The following PC variants were observed in gnomAD, a reference collection of about 807,000 sequenced individuals.
PC encodes pyruvate carboxylase, mitochondrial.
PC carries 46 observed loss-of-function variants against 107.8 expected under a neutral mutation model. The observed-to-expected ratio is 0.43, with a 90% CI of 0.34 to 0.55. The LOEUF is 0.55. Ranked by LOEUF, PC falls within the 20% of genes least tolerant of loss-of-function variation. The pLI, the probability that PC is intolerant of heterozygous loss-of-function variation, is 0.04. For missense variants in PC, 1,241 were observed against 1,643.1 expected (o/e 0.76, Z 4.23); for synonymous variants, 662 against 684.7 (o/e 0.97, Z 0.52).
Position 66,868,897 on chromosome 11 carries a change from T to TCGATGAAGTAGTG in PC, c.958_970dup (p.Glu324AlafsTer34). 1 of 1,613,848 alleles carries TCGATGAAGTAGTG rather than the reference T, an allele frequency of 6.2e-7. No individual in the cohort carries two copies. The highest frequency in any genetic ancestry group is 8.5e-7 in the Non-Finnish European group (1 of 1,179,966). Reference sequence around the variant, plus strand: ...CTCCACCTGCAGGCGGGAGTTGACCTCGATGAAGTAGTGCTTGCCGTGCCT... The same window carrying TCGATGAAGTAGTG: ...CTCCACCTGCAGGCGGGAGTTGACCTCGATGAAGTAGTGCGATGAAGTAGTGCTTGCCGTGCCT... On this transcript the variant is annotated frameshift_variant, in exon 10 of 23. Coordinates refer to ENST00000393960, the MANE Select transcript of PC (RefSeq NM_001040716.2). LOFTEE classifies it high-confidence loss of function.
intron 11 of PC, 143 bp from the exon 12 acceptor site, chr11:66,864,099 T>A: frequency 1.2e-6 from 1 of 840,908 alleles, no homozygotes; most frequent in Non-Finnish European, 2.0e-6. Flanking sequence ...CAGCTCTGGC[T>A]GGTCAGGTTT....
At chr11:66,934,769 T>A (rs939631119) in intron 3 of PC, among the ~76,000 whole-genome samples, 2 of 152,134 alleles carry the variant, frequency 1.3e-5, no homozygotes, top group East Asian at 3.9e-4. Flanking sequence ...CACACCCAGC[T>A]AATTTTTTGT....
Position 66,899,579 on chromosome 11 carries a change from C to T in PC, c.1-27420G>A, listed in dbSNP as rs563745097. 1.8e-4 allele frequency among the ~76,000 whole-genome samples: 28 copies of T among 152,054 alleles called. 1 individual carries two copies. In the South Asian group the frequency reaches 5.4e-3, roughly 29 times the overall value. The stretch of plus-strand genomic sequence containing the variant: ...ACAGGGTCTTATGACATTGCCCAGG[C>T]TGGTCTTGAACTCCCAACCTCAAGC... On this transcript the variant is annotated intron_variant, in intron 3 of 22. Transcript: ENST00000393960.
rs777446093 is a variant in PC, at chr11:66,859,122, C to T, written c.1368+4652G>A. On this transcript the variant is annotated intron_variant, in intron 12 of 22. Coordinates refer to ENST00000393960, the MANE Select transcript of PC (RefSeq NM_001040716.2). ...AGGATGCGTGCCCCACACCCGGCTG[C>T]ACTCCCGGCGCCCTTCCTCCGCCCT... 3.4e-6 allele frequency: 5 copies of T among 1,478,176 alleles called. No homozygotes were observed. The Admixed American group carries it at 7.4e-5, about 22-fold the overall frequency. 91.6% of individuals were successfully genotyped at this position (1,478,176 alleles called of 1,614,324 possible). A position where few individuals can be genotyped will look rare whatever the true frequency, so the allele number is the denominator to read the frequency against.
chr11:66,940,934 G>C (rs188883421), intron 3 of PC, among the ~76,000 whole-genome samples: 3 of 151,760 alleles, frequency 2.0e-5, no homozygotes, highest in Non-Finnish European at 2.9e-5. Context: ...AAATTAGCCA[G>C]GCATGGTGGT....
chr11:66,863,875 CG>C lies in PC; in HGVS notation c.1266del (p.Tyr422Ter). 1 of 1,613,964 alleles carries C rather than the reference CG, an allele frequency of 6.2e-7. No individual in the cohort carries two copies. Among genetic ancestry groups the C allele is most frequent in the Non-Finnish European group, 8.5e-7 (1 of 1,180,008 alleles). On this transcript the variant is annotated frameshift_variant, in exon 12 of 23. Coordinates refer to ENST00000393960, the MANE Select transcript of PC (RefSeq NM_001040716.2). LOFTEE classifies it high-confidence loss of function. Reference protein sequence around the residue: ...AFQGAVISPHYDSLLVKVIAH... With the variant: ...AFQGAVISPHXDSLLVKVIAH... ...GCAATGACTTTGACCAGCAGGGAGTCGTAGTGGGGCGAGATGACGGCTCCTT... is the reference window on the plus strand; with the variant it reads ...GCAATGACTTTGACCAGCAGGGAGTCTAGTGGGGCGAGATGACGGCTCCTT...
At chr11:66,955,572 G>A (rs1949540522) in intron 1 of PC, among the ~76,000 whole-genome samples, 1 of 152,172 alleles carries the variant, frequency 6.6e-6, no homozygotes, top group Non-Finnish European at 1.5e-5. Context: ...TTGGATGACA[G>A]CCTAATTAAT....
chr11:66,870,463 G>A lies in PC; in HGVS notation c.752-10C>T. ...TTCCCATACTGGTCCCCTGGGGAGG[G>A]AGGTAAACTGGGCTTAGCTTTTACT... On this transcript the variant is annotated splice_polypyrimidine_tract_variant and intron_variant, in intron 8 of 22. Coordinates refer to ENST00000393960, the MANE Select transcript of PC (RefSeq NM_001040716.2). The surrounding 1 kb of genome is among the most constrained non-coding windows in gnomAD (Gnocchi z 6.1). The A allele has an allele frequency of 6.2e-7, 1 of 1,612,642 alleles. No individual in the cohort carries two copies. The highest frequency in any genetic ancestry group is 2.2e-5 in the East Asian group (1 of 44,878).
At chr11:66,888,982 G>C (rs1249171794) in intron 3 of PC, among the ~76,000 whole-genome samples, 1 of 152,180 alleles carries the variant, frequency 6.6e-6, no homozygotes, top group Non-Finnish European at 1.5e-5. Context: ...GCTGAGGCAG[G>C]AGAATCGCTT....
chr11:66,891,403 G>GT (rs893783973), intron 3 of PC, among the ~76,000 whole-genome samples: 1 of 147,928 alleles, frequency 6.8e-6, no homozygotes, highest in Non-Finnish European at 1.5e-5. Context: ...GTTTTGTTTT[G>GT]TTTTTTTGAG....
chr11:66,942,573 G>A (rs1414776536), intron 3 of PC, among the ~76,000 whole-genome samples: 1 of 152,086 alleles, frequency 6.6e-6, no homozygotes, highest in Non-Finnish European at 1.5e-5. Flanking sequence ...GGGTGCCAGG[G>A]GCTTGGGTGA....
chr11:66,855,770 A>C (rs1351729117), intron 12 of PC, among the ~76,000 whole-genome samples: 1 of 152,188 alleles, frequency 6.6e-6, no homozygotes, highest in Non-Finnish European at 1.5e-5. Context: ...CACAAGCTGC[A>C]GCTGTCCTCC....
At chr11:66,914,175 CCT>C (rs1195151277) in intron 3 of PC, among the ~76,000 whole-genome samples, 1 of 152,072 alleles carries the variant, frequency 6.6e-6, no homozygotes, top group Non-Finnish European at 1.5e-5. Flanking sequence ...TATTCCTGCC[CCT>C]CTCTCTCCAT....
chr11:66,894,374 C>T (rs1379300442), intron 3 of PC, among the ~76,000 whole-genome samples: 2 of 152,294 alleles, frequency 1.3e-5, no homozygotes, highest in East Asian at 1.9e-4. Context: ...ACACCCTTCC[C>T]GTCCCAGCTT....
At chr11:66,932,562 G>A (rs571617350) in intron 3 of PC, among the ~76,000 whole-genome samples, 2 of 152,306 alleles carry the variant, frequency 1.3e-5, no homozygotes, top group Admixed American at 1.3e-4. Context: ...TGGCCGAAAT[G>A]TCCTTTCGGG....
At chr11:66,859,262 T>G (rs1946092809) in intron 12 of PC, among the ~76,000 whole-genome samples, 1 of 152,090 alleles carries the variant, frequency 6.6e-6, no homozygotes, top group African/African-American at 2.4e-5. Context: ...CCTGGCTGCC[T>G]GAGGGGGCTG....
At position 66,870,911 on chromosome 11, in the gene PC, G is replaced by C; in HGVS notation, c.634-19C>G. On this transcript the variant is annotated intron_variant, in intron 7 of 22. Transcript: ENST00000393960. This position sits in a 1 kb window ranked among gnomAD's most constrained non-coding sequence, Gnocchi z 6.1. Reference sequence around the variant, plus strand: ...CCAGCTCCTGCGAGGGCGGGCAGGGGCCAGCCAGACCTCAGACCCCACAGC... The same window carrying C: ...CCAGCTCCTGCGAGGGCGGGCAGGGCCCAGCCAGACCTCAGACCCCACAGC... 1 of 1,608,936 alleles carries C rather than the reference G, an allele frequency of 6.2e-7. No homozygotes were observed.
intron 3 of PC, among the ~76,000 whole-genome samples, chr11:66,924,889 T>C (rs556058572): frequency 1.3e-4 from 20 of 152,248 alleles, no homozygotes; most frequent in African/African-American, 4.6e-4. Context: ...TTTCCCTAAG[T>C]GTCAGCCAGT....
chr11:66,858,068 G>C lies in PC; in HGVS notation c.1369-4685C>G. On this transcript the variant is annotated intron_variant, in intron 12 of 22. Coordinates refer to ENST00000393960, the MANE Select transcript of PC (RefSeq NM_001040716.2). The surrounding 1 kb of genome is among the most constrained non-coding windows in gnomAD (Gnocchi z 5.9). The stretch of plus-strand genomic sequence containing the variant: ...CCCTCCACCTTGACGGCAACAGGCT[G>C]GTGGAGCTGGGCACCGGGAGCCTCC... 6.2e-7 allele frequency: 1 copy of C among 1,609,716 alleles called. No homozygotes were observed. The highest frequency in any genetic ancestry group is 8.5e-7 in the Non-Finnish European group (1 of 1,178,340).
Sources: gnomAD v4.1 joint callset for allele counts (sites outside exome capture counted in the v4.1 genomes callset) on GRCh38, gnomAD v4.1.1 for gene constraint, Gnocchi (gnomAD v3.1) non-coding constraint, MANE v1.5 for transcripts, NCBI Gene and HGNC (gene_info 2026-07-23, HGNC 2026-07-21) for gene names.